ACAA2: variants seen among roughly 807,000 people sequenced by gnomAD.
The protein encoded by ACAA2 is 3-ketoacyl-CoA thiolase, mitochondrial.
Under a neutral mutation model 44.8 loss-of-function variants are expected in ACAA2, and 35 were observed. The observed-to-expected ratio is 0.78, with a 90% CI of 0.60 to 1.04. The LOEUF is 1.04. Ranked by LOEUF, ACAA2 falls within the 50% of genes least tolerant of loss-of-function variation. The probability of loss-of-function intolerance (pLI) is 0.00; values close to 1 mark genes in which losing one functional copy is unlikely to be tolerated. For synonymous variants in ACAA2, 142 were observed against 166.5 expected (o/e 0.85, Z 1.13); for missense variants, 468 against 482.6 (o/e 0.97, Z 0.28).
At chr18:49,809,960 C>T (rs1022829783) in intron 1 of ACAA2, among the ~76,000 whole-genome samples, 1 of 152,074 alleles carries the variant, frequency 6.6e-6, no homozygotes, top group African/African-American at 2.4e-5. Context: ...GGGAAACGGA[C>T]CGGGCAAGGG....
At chr18:49,810,743 G>T (rs146266874) in intron 1 of ACAA2, among the ~76,000 whole-genome samples, 3 of 151,340 alleles carry the variant, frequency 2.0e-5, no homozygotes, top group Non-Finnish European at 2.9e-5. Flanking sequence ...GCTGAAGTGC[G>T]GTAGTGTGAT....
chr18:49,787,681 C>T (rs1268150510), intron 7 of ACAA2, among the ~76,000 whole-genome samples: 1 of 151,882 alleles, frequency 6.6e-6, no homozygotes, highest in Non-Finnish European at 1.5e-5. Flanking sequence ...TAAAATGGAA[C>T]CAAGGTGAAA....
intron 9 of ACAA2, among the ~76,000 whole-genome samples, 155 bp from the exon 10 acceptor site, chr18:49,784,086 A>G (rs1327504028): frequency 1.3e-5 from 2 of 152,090 alleles, no homozygotes; most frequent in Non-Finnish European, 2.9e-5. Flanking sequence ...ACAACAGGCA[A>G]CAGACTTTGG....
At chr18:49,805,459 G>A (rs759788172) in intron 1 of ACAA2, among the ~76,000 whole-genome samples, 14 of 152,288 alleles carry the variant, frequency 9.2e-5, no homozygotes, top group Non-Finnish European at 1.5e-4. Flanking sequence ...CATTACAAAC[G>A]TTTTGTTCTG....
At chr18:49,793,027 T>C (rs2023424172) in intron 5 of ACAA2, among the ~76,000 whole-genome samples, 1 of 152,220 alleles carries the variant, frequency 6.6e-6, no homozygotes, top group Admixed American at 6.5e-5. Flanking sequence ...CATCTGTCTG[T>C]TTGCTATAGA....
In ACAA2 at chr18:49,795,832, C is replaced by T. The variant is rs1210719333; in HGVS notation, c.362G>A (p.Ser121Asn). The change falls in exon 4 of 10, where the codon AGC becomes AAC. Residue 121 changes from serine to asparagine, a missense_variant. Transcript: ENST00000285093. ...GACACAGTAGGGAGCTTGGCTCATG[C>T]TTTCGGTTCCTCCACATAAAACAAC... ...AEVVLCGGTE[S>N]MSQAPYCVRN... 4 of 1,612,394 alleles carry T rather than the reference C, an allele frequency of 2.5e-6. No individual in the cohort carries two copies.
intron 7 of ACAA2, among the ~76,000 whole-genome samples, chr18:49,787,845 G>A (rs921944266): frequency 6.6e-5 from 10 of 152,176 alleles, no homozygotes; most frequent in African/African-American, 1.9e-4. Flanking sequence ...GGCAGACTGA[G>A]TGCTCTACTT....
intron 7 of ACAA2, among the ~76,000 whole-genome samples, chr18:49,791,016 C>T (rs1467111482): frequency 6.6e-6 from 1 of 152,158 alleles, no homozygotes; most frequent in Non-Finnish European, 1.5e-5. Context: ...AAGAAGTCTC[C>T]CTTACTGGAG....
chr18:49,799,625 C>T (rs1328579009), intron 2 of ACAA2, among the ~76,000 whole-genome samples: 2 of 152,068 alleles, frequency 1.3e-5, no homozygotes, highest in African/African-American at 2.4e-5. Context: ...GCAGCCTCTG[C>T]CCGGCTGCCA....
intron 7 of ACAA2, 87 bp downstream of exon 7, chr18:49,791,383 T>C: frequency 7.2e-7 from 1 of 1,394,826 alleles, no homozygotes; most frequent in Non-Finnish European, 9.9e-7. Flanking sequence ...GTGACCTTGG[T>C]TTGGCCACTT....
rs1054800801 is a variant in ACAA2, at chr18:49,807,784, T to C, written c.17-4931A>G. ...GAGGTCAAGGCTACAGTGGCCGTGT[T>C]CACACCACTGTACTCCAGCCTGGGT... On this transcript the variant is annotated intron_variant, in intron 1 of 9. Coordinates refer to ENST00000285093, the MANE Select transcript of ACAA2 (RefSeq NM_006111.3). Among the ~76,000 whole-genome samples, 3 of 152,034 alleles carry C rather than the reference T, an allele frequency of 2.0e-5. No individual in the cohort carries two copies. In the South Asian group the frequency reaches 6.2e-4, roughly 31 times the overall value.
chr18:49,799,081 AAC>A (rs2023497773), intron 2 of ACAA2, among the ~76,000 whole-genome samples: 1 of 152,238 alleles, frequency 6.6e-6, no homozygotes, highest in South Asian at 2.1e-4. Flanking sequence ...TGTGGATTTC[AAC>A]ACAAAAAGTC....
intron 8 of ACAA2, 129 bp downstream of exon 8, chr18:49,787,162 A>ACAT: frequency 1.5e-6 from 1 of 660,562 alleles, no homozygotes; most frequent in South Asian, 3.9e-5. Context: ...ATTTAGATGT[A>ACAT]CATCATTTGG....
Position 49,782,837 on chromosome 18 carries a change from G to A in ACAA2, c.*1010C>T, listed in dbSNP as rs56367450. 0.17 allele frequency: 24,692 copies of A among 144,918 alleles called. 2,596 individuals are homozygous for A. Among genetic ancestry groups the A allele is most frequent in the Middle Eastern group, 0.29 (86 of 292 alleles). 9.0% of individuals were successfully genotyped at this position (144,918 alleles called of 1,614,324 possible). A position where few individuals can be genotyped will look rare whatever the true frequency, so the allele number is the denominator to read the frequency against. On this transcript the variant is annotated 3_prime_UTR_variant, in exon 10 of 10. Coordinates refer to ENST00000285093, the MANE Select transcript of ACAA2 (RefSeq NM_006111.3). ...CACTCCAGCCTGGAGGACAGAGCGA[G>A]ACTCTGTCTCAAAAAAAAAAAAAAA... is the stretch of plus-strand genomic sequence containing the variant.
chr18:49,787,267 A>AAAAAC (rs2023342191), intron 8 of ACAA2, 24 bp downstream of exon 8: 2 of 1,421,920 alleles, frequency 1.4e-6, no homozygotes, highest in East Asian at 2.7e-5. Context: ...TGTTAAAAAA[A>AAAAAC]AAAAAAAAAA....
intron 6 of ACAA2, 106 bp downstream of exon 6, chr18:49,792,046 C>G: frequency 2.3e-6 from 2 of 870,372 alleles, no homozygotes; most frequent in Non-Finnish European, 3.5e-6. Flanking sequence ...TTAGTTTAAG[C>G]TAAACAACTA....
intron 1 of ACAA2, among the ~76,000 whole-genome samples, chr18:49,805,251 A>C (rs2023598457): frequency 6.6e-6 from 1 of 152,202 alleles, no homozygotes; most frequent in African/African-American, 2.4e-5. Context: ...CCAGTTTATG[A>C]TCTCTTTCAT....
At chr18:49,786,755 AC>A (rs560061537) in intron 8 of ACAA2, 212 of 152,380 alleles carry the variant, frequency 1.4e-3, no homozygotes, top group Middle Eastern at 6.8e-3. Context: ...TAGTTCTAAT[AC>A]TAACATTTAA....
intron 6 of ACAA2, among the ~76,000 whole-genome samples, 195 bp downstream of exon 6, chr18:49,791,957 A>T (rs777081782): frequency 1.4e-4 from 21 of 152,252 alleles, no homozygotes; most frequent in Non-Finnish European, 2.6e-4. Flanking sequence ...TTAAGAAATC[A>T]GAAGAGTATT....
Sources: allele counts gnomAD v4.1 joint callset (sites outside exome capture counted in the v4.1 genomes callset), GRCh38; gene constraint gnomAD v4.1.1; transcripts MANE v1.5; gene names NCBI Gene and HGNC (gene_info 2026-07-23, HGNC 2026-07-21).